The following EYA1 variants were observed in gnomAD, a reference collection of about 807,000 sequenced individuals.
EYA1 encodes protein phosphatase EYA1.
EYA1 carries 16 observed loss-of-function variants against 82.0 expected under a neutral mutation model. The ratio of observed to expected loss-of-function variants is 0.20; its 90% CI spans 0.13 to 0.30. The LOEUF (loss-of-function observed/expected upper bound fraction) is 0.30, where lower values mean the gene tolerates loss of function less well. Among genes scored for constraint, EYA1 ranks in the 10% least tolerant of loss-of-function variants. The pLI is 1.00. For missense variants in EYA1, 633 were observed against 730.7 expected, an observed-to-expected ratio of 0.87 and a Z score of 1.54; for synonymous variants, 261 against 264.4, an observed-to-expected ratio of 0.99 and a Z score of 0.12.
At chr8:71,506,266 C>T (rs140616583) in intron 2 of EYA1, among the ~76,000 whole-genome samples, 24 of 152,270 alleles carry the variant, frequency 1.6e-4, no homozygotes, top group African/African-American at 5.8e-4. Flanking sequence ...AAGGCATATC[C>T]AGAGCAAAAG....
At position 71,505,286 on chromosome 8, in the gene EYA1, C is replaced by T. The variant is rs536546535; in HGVS notation, c.33+30458G>A. ...CTAGAACCAGGCCAAGTTCACTAGG[C>T]GATTCTTATTAACAGTCAAGTTTGA... On this transcript the variant is annotated intron_variant, in intron 2 of 18. Transcript: ENST00000643681. Among the ~76,000 whole-genome samples, 100 of 152,244 alleles carry T rather than the reference C, an allele frequency of 6.6e-4. 1 individual carries two copies. Among genetic ancestry groups the T allele is most frequent in the South Asian group, 1.2e-3 (6 of 4,820 alleles).
intron 2 of EYA1, among the ~76,000 whole-genome samples, chr8:71,507,709 G>A (rs1056549634): frequency 6.6e-6 from 1 of 152,136 alleles, no homozygotes; most frequent in Non-Finnish European, 1.5e-5. Context: ...CCACTAATAT[G>A]GAATGACCTC....
intron 7 of EYA1, among the ~76,000 whole-genome samples, chr8:71,300,628 C>A (rs1055943226): frequency 6.6e-6 from 1 of 151,646 alleles, no homozygotes; most frequent in African/African-American, 2.4e-5. Context: ...CAGGCATTTA[C>A]TCTAAGAAAA....
upstream of EYA1, among the ~76,000 whole-genome samples, chr8:71,362,956 T>C (rs1199473722): frequency 6.6e-6 from 1 of 152,232 alleles, no homozygotes; most frequent in Non-Finnish European, 1.5e-5. Context: ...TTTATGTGAC[T>C]AATGATTGTA....
chr8:71,535,155 A>G (rs1391945300), intron 2 of EYA1, among the ~76,000 whole-genome samples: 2 of 152,210 alleles, frequency 1.3e-5, no homozygotes, highest in African/African-American at 4.8e-5. Context: ...CTAATTGGGA[A>G]TATTCATTTA....
intron 1 of EYA1, chr8:71,356,821 G>T: frequency 1.0e-6 from 1 of 953,654 alleles, no homozygotes; most frequent in Non-Finnish European, 1.3e-6. Context: ...ATGCAAAGCA[G>T]CCTTGCCCAG....
chr8:71,520,021 A>G (rs1334519574), intron 2 of EYA1, among the ~76,000 whole-genome samples: 1 of 152,208 alleles, frequency 6.6e-6, no homozygotes, highest in Non-Finnish European at 1.5e-5. Flanking sequence ...GTTGAATTAA[A>G]TATTTTAAAT....
chr8:71,500,216 C>T (rs151042591), intron 2 of EYA1, among the ~76,000 whole-genome samples: 4 of 152,272 alleles, frequency 2.6e-5, no homozygotes, highest in Non-Finnish European at 4.4e-5. Flanking sequence ...TAATTCACCA[C>T]ACCCATCTTG....
chr8:71,520,710 C>T (rs1221329910), intron 2 of EYA1, among the ~76,000 whole-genome samples: 1 of 152,116 alleles, frequency 6.6e-6, no homozygotes, highest in Non-Finnish European at 1.5e-5. Flanking sequence ...GCTGATCTAG[C>T]TCCTCATCAA....
chr8:71,416,558 C>A (rs1830862876), intron 2 of EYA1, among the ~76,000 whole-genome samples: 1 of 152,108 alleles, frequency 6.6e-6, no homozygotes, highest in African/African-American at 2.4e-5. Context: ...AATTTATAAA[C>A]CCCTGAAAGG....
intron 9 of EYA1, among the ~76,000 whole-genome samples, chr8:71,276,073 T>C (rs1817134384): frequency 1.3e-5 from 2 of 152,232 alleles, no homozygotes; most frequent in South Asian, 4.1e-4. Context: ...CATCAGGATA[T>C]GAATCAACAC....
intron 2 of EYA1, among the ~76,000 whole-genome samples, chr8:71,463,381 C>T (rs537613120): frequency 1.1e-3 from 163 of 152,298 alleles, no homozygotes; most frequent in Non-Finnish European, 2.1e-3. Context: ...AACCTGAGTT[C>T]ATTTTCACTG....
At chr8:71,486,715 G>A (rs1429335488) in intron 2 of EYA1, among the ~76,000 whole-genome samples, 1 of 152,168 alleles carries the variant, frequency 6.6e-6, no homozygotes. Flanking sequence ...TTCTCTTTCT[G>A]CTCCCAGTGG....
intron 12 of EYA1, 56 bp from the exon 13 acceptor site, chr8:71,217,079 G>A: frequency 7.3e-7 from 1 of 1,368,240 alleles, no homozygotes; most frequent in African/African-American, 1.4e-5. Flanking sequence ...TAATTTTTTT[G>A]TTTTGTTTTG....
chr8:71,306,444 C>T (rs1044179047), intron 7 of EYA1, among the ~76,000 whole-genome samples: 1 of 151,620 alleles, frequency 6.6e-6, no homozygotes, highest in Non-Finnish European at 1.5e-5. Flanking sequence ...TTCTGAATTG[C>T]CGGGGGTGGG....
At chr8:71,400,941 G>A (rs1647996842) in intron 2 of EYA1, among the ~76,000 whole-genome samples, 1 of 152,148 alleles carries the variant, frequency 6.6e-6, no homozygotes, top group Non-Finnish European at 1.5e-5. Flanking sequence ...ATACACCATG[G>A]AATACTATGC....
At chr8:71,357,689 A>C (rs1176049540) in intron 1 of EYA1, among the ~76,000 whole-genome samples, 1 of 152,250 alleles carries the variant, frequency 6.6e-6, no homozygotes, top group African/African-American at 2.4e-5. Context: ...TGAAATAAGA[A>C]ATACTACCTT....
At chr8:71,312,479 C>T (rs567187376) in intron 7 of EYA1, among the ~76,000 whole-genome samples, 1 of 152,334 alleles carries the variant, frequency 6.6e-6, no homozygotes, top group East Asian at 1.9e-4. Context: ...CACAGTCTCA[C>T]TCCATTGCCC....
chr8:71,277,118 T>C (rs7844629), intron 9 of EYA1, among the ~76,000 whole-genome samples: 685 of 18,304 alleles, frequency 0.037, 14 homozygotes, highest in East Asian at 0.3. Flanking sequence ...TTCACACATT[T>C]TTTTTTTTTT....
Sources: gnomAD v4.1 joint callset for allele counts (sites outside exome capture counted in the v4.1 genomes callset) on GRCh38, gnomAD v4.1.1 for gene constraint, MANE v1.5 for transcripts, NCBI Gene and HGNC (gene_info 2026-07-23, HGNC 2026-07-21) for gene names.